EIF3I: variants seen among roughly 807,000 people sequenced by gnomAD.
EIF3I encodes the protein TGF-beta receptor-interacting protein 1.
A neutral mutation model predicts 43.3 loss-of-function variants in EIF3I; 20 were observed. The observed-to-expected ratio is 0.46, with a 90% CI of 0.32 to 0.67. The LOEUF is 0.67. Ranked by LOEUF, EIF3I falls within the 30% of genes least tolerant of loss-of-function variation. EIF3I has a pLI of 0.03. For missense variants in EIF3I, 279 were observed against 421.4 expected, an observed-to-expected ratio of 0.66 and a Z score of 2.96; for synonymous variants, 167 against 151.7, an observed-to-expected ratio of 1.10 and a Z score of -0.74.
downstream of EIF3I, among the ~76,000 whole-genome samples, chr1:32,232,376 TC>T (rs1173053985): frequency 6.6e-6 from 1 of 152,236 alleles, no homozygotes. Context: ...CAAGACAAAG[TC>T]CTACTTCTTA....
At chr1:32,226,462 T>C in exon 6 of EIF3I, 1 of 1,599,920 alleles carries the variant, frequency 6.3e-7, no homozygotes, top group Admixed American at 1.7e-5. Context: ...CAGTGCTGTT[T>C]GGGGACCCCT....
intron 4 of EIF3I, among the ~76,000 whole-genome samples, chr1:32,225,001 T>A (rs931269583): frequency 6.6e-6 from 1 of 152,142 alleles, no homozygotes; most frequent in Admixed American, 6.6e-5. Flanking sequence ...ACCTGGCTAA[T>A]TTTTGTATTT....
intron 4 of EIF3I, among the ~76,000 whole-genome samples, chr1:32,225,395 C>T (rs971061531): frequency 6.6e-6 from 1 of 152,176 alleles, no homozygotes. Flanking sequence ...TTGCAGTCTA[C>T]GTATGAGTAG....
intron 3 of EIF3I, 103 bp downstream of exon 3, chr1:32,224,224 A>AC: frequency 8.3e-7 from 1 of 1,204,752 alleles, no homozygotes; most frequent in Admixed American, 1.8e-5. Flanking sequence ...GGCCTAGAGA[A>AC]CGATACCTCC....
exon 6 of EIF3I, chr1:32,226,414 C>G (rs780478406): frequency 1.3e-5 from 21 of 1,605,828 alleles, no homozygotes; most frequent in Non-Finnish European, 1.8e-5. Flanking sequence ...CAACAATGAG[C>G]CCTACATGAA....
intron 2 of EIF3I, 96 bp downstream of exon 2, chr1:32,222,726 A>T: frequency 1.6e-6 from 2 of 1,264,798 alleles, no homozygotes; most frequent in Non-Finnish European, 2.3e-6. Context: ...GGAACCAAAG[A>T]GCAGCCCATT....
intron 8 of EIF3I, 106 bp from the exon 9 acceptor site, chr1:32,229,029 C>T: frequency 7.9e-7 from 1 of 1,260,190 alleles, no homozygotes; most frequent in South Asian, 1.4e-5. Context: ...CCTTTGGTAT[C>T]CTCCCATTGA....
At position 32,229,226 on chromosome 1, in the gene EIF3I, T is replaced by C; in HGVS notation, c.803+18T>C. On this transcript the variant is annotated intron_variant, in intron 9 of 11. Coordinates refer to ENST00000676679, the Ensembl canonical transcript of EIF3I. Reference sequence around the variant, plus strand: ...GAGGCCAGGTAAAGAAGAAGAGAGCTCTTCCAAATTAAAATCTCATGTGGT... The same window carrying C: ...GAGGCCAGGTAAAGAAGAAGAGAGCCCTTCCAAATTAAAATCTCATGTGGT... The C allele has an allele frequency of 6.2e-7, 1 of 1,608,012 alleles. No homozygotes were observed. Among genetic ancestry groups the C allele is most frequent in the Non-Finnish European group, 8.5e-7 (1 of 1,178,252 alleles).
rs778133280 is a variant in EIF3I at position 32,222,525 on chromosome 1, C to T, written c.4-13C>T. The T allele has an allele frequency of 1.1e-5, 17 of 1,614,008 alleles. No individual in the cohort carries two copies. Among genetic ancestry groups the T allele is most frequent in the Non-Finnish European group, 1.3e-5 (15 of 1,179,990 alleles). On this transcript the variant is annotated splice_polypyrimidine_tract_variant and intron_variant, in intron 1 of 11. Coordinates refer to ENST00000676679, the Ensembl canonical transcript of EIF3I. Reference sequence around the variant, plus strand: ...CAATTCCGAGCACTGACGTTACTGTCTTGTCCCCACAGAAGCCGATCCTAC... The same window carrying T: ...CAATTCCGAGCACTGACGTTACTGTTTTGTCCCCACAGAAGCCGATCCTAC...
At chr1:32,222,469 G>T (rs969046184) in intron 1 of EIF3I, 25 bp downstream of exon 1, 2 of 1,610,266 alleles carry the variant, frequency 1.2e-6, no homozygotes, top group East Asian at 2.2e-5. Flanking sequence ...TAGGGGTATT[G>T]CAGTGGGGGT....
At position 32,230,857 on chromosome 1, in the gene EIF3I, G is replaced by C. The variant is rs750642662; in HGVS notation, c.915-70G>C. 2.1e-4 allele frequency: 231 copies of C among 1,082,894 alleles called. 3 individuals are homozygous for C. Among genetic ancestry groups the C allele is most frequent in the Non-Finnish European group, 3.2e-5 (23 of 726,444 alleles). The allele number at this position is 1,082,894 out of a possible 1,614,324, so 67.1% of individuals were successfully genotyped here. A position where few individuals can be genotyped will look rare whatever the true frequency, so the allele number is the denominator to read the frequency against. ...TAAATAATAATAACAATTTGCATTT[G>C]GGGAGTGCCACCTCCAAAGTGTTTT... On this transcript the variant is annotated intron_variant, in intron 10 of 11. Coordinates refer to ENST00000676679, the Ensembl canonical transcript of EIF3I.
chr1:32,230,836 T>TA, intron 10 of EIF3I, 91 bp from the exon 10 acceptor site: 2 of 923,260 alleles, frequency 2.2e-6, no homozygotes, highest in South Asian at 1.5e-5. Context: ...AATAAATAAA[T>TA]AATAATAACA....
chr1:32,228,790 G>C (rs1201725540), exon 8 of EIF3I: 1 of 1,613,966 alleles, frequency 6.2e-7, no homozygotes, highest in African/African-American at 1.3e-5. Flanking sequence ...TGTCAACTCA[G>C]CTGCCCTCTC....
chr1:32,222,671 T>C, intron 2 of EIF3I, 41 bp downstream of exon 2: 1 of 1,594,192 alleles, frequency 6.3e-7, no homozygotes, highest in South Asian at 1.1e-5. Flanking sequence ...GGCGGGATCC[T>C]TCTGCCAGGA....
chr1:32,230,387 A>G (rs1025198122), intron 10 of EIF3I, among the ~76,000 whole-genome samples: 4 of 151,926 alleles, frequency 2.6e-5, no homozygotes, highest in African/African-American at 9.7e-5. Context: ...GTACATGGCC[A>G]CCGTCCCTGG....
intron 10 of EIF3I, 32 bp from the exon 10 acceptor site, chr1:32,230,895 A>G (rs1490091869): frequency 6.6e-7 from 1 of 1,522,194 alleles, no homozygotes; most frequent in East Asian, 2.3e-5. Context: ...AAGAAGATAG[A>G]AAGTGAATTA....
At chr1:32,229,749 C>T (rs1427659528) in intron 9 of EIF3I, among the ~76,000 whole-genome samples, 1 of 151,682 alleles carries the variant, frequency 6.6e-6, no homozygotes, top group Non-Finnish European at 1.5e-5. Flanking sequence ...CAGGATTTCA[C>T]CATGTTTGCC....
rs1478609039 is a variant in EIF3I, at chr1:32,226,534, A to AGAG, written c.528+6_528+8dup. Reference sequence around the variant, plus strand: ...GCTCAACCAGTATAGTGCCAAGGTAAGAGGCCACATGGGGCCTGAGCCTAC... The same window carrying AGAG: ...GCTCAACCAGTATAGTGCCAAGGTAAGAGGAGGCCACATGGGGCCTGAGCCTAC... On this transcript the variant is annotated splice_donor_region_variant and intron_variant, in intron 6 of 11. Transcript: ENST00000676679. 1.3e-6 allele frequency: 2 copies of AGAG among 1,523,484 alleles called. No individual in the cohort carries two copies. The highest frequency in any genetic ancestry group is 1.8e-6 in the Non-Finnish European group (2 of 1,142,252). The allele number at this position is 1,523,484 out of a possible 1,614,324, so 94.4% of individuals were successfully genotyped here. A position where few individuals can be genotyped will look rare whatever the true frequency, so the allele number is the denominator to read the frequency against.
At chr1:32,234,893 A>G (rs984897836), downstream of EIF3I, 13 of 152,596 alleles carry the variant, frequency 8.5e-5, no homozygotes, top group African/African-American at 2.4e-4. Flanking sequence ...ACAGTTTTGC[A>G]TCCAGGGGTT....
Sources: allele counts gnomAD v4.1 joint callset (sites outside exome capture counted in the v4.1 genomes callset), GRCh38; gene constraint gnomAD v4.1.1; transcripts MANE v1.5; gene names NCBI Gene and HGNC (gene_info 2026-07-23, HGNC 2026-07-21).